Variants in TBC1D2B observed in about 807,000 individuals in gnomAD.
TBC1D2B encodes TBC1 domain family, member 2B.
Under a neutral mutation model 100.8 loss-of-function variants are expected in TBC1D2B, and 64 were observed. The observed-to-expected ratio is 0.64, with a 90% CI of 0.52 to 0.78. The LOEUF is 0.78. Among genes scored for constraint, TBC1D2B ranks in the 30% least tolerant of loss-of-function variants. The pLI, the probability that TBC1D2B is intolerant of heterozygous loss-of-function variation, is 0.00. For missense variants in TBC1D2B, 1,052 were observed against 1,218.4 expected, an observed-to-expected ratio of 0.86 and a Z score of 2.03; for synonymous variants, 480 against 479.7, an observed-to-expected ratio of 1.00 and a Z score of -0.01.
Position 77,998,315 on chromosome 15 carries a change from G to C in TBC1D2B, c.2737C>G (p.Pro913Ala). ...CGTCGGTTCCGGATCTGGCGTAGGG[G>C]GAAAGGGTTCAGGTCCCCAAAGGAG... ...SISFGDLNPF[P>A]LRQIRNRRAY... The change falls in exon 13 of 13, where the codon CCC becomes GCC. Residue 913 changes from proline (P) to alanine (A), a missense_variant. Around this residue, in one of 4 missense-constraint regions of TBC1D2B, gnomAD observed 47 missense variants for 88.3 expected, o/e 0.53. Transcript: ENST00000300584. 1 of 1,600,966 alleles carries C rather than the reference G, an allele frequency of 6.2e-7. No individual in the cohort carries two copies. Among genetic ancestry groups the C allele is most frequent in the East Asian group, 2.3e-5 (1 of 44,192 alleles).
intron 1 of TBC1D2B, among the ~76,000 whole-genome samples, chr15:78,072,985 G>A (rs2073764007): frequency 6.6e-6 from 1 of 152,170 alleles, no homozygotes; most frequent in African/African-American, 2.4e-5. Flanking sequence ...AAAAAGGACA[G>A]ATATTAAATG....
chr15:78,008,598 G>A (rs528527972), intron 10 of TBC1D2B, among the ~76,000 whole-genome samples: 18 of 152,310 alleles, frequency 1.2e-4, no homozygotes, highest in South Asian at 4.1e-4. Flanking sequence ...GCTTCCCCCC[G>A]CCGAAGTCTC....
chr15:78,040,880 A>AAGAAAGAAAGAAAG (rs1275983230), intron 3 of TBC1D2B, among the ~76,000 whole-genome samples: 4 of 147,852 alleles, frequency 2.7e-5, no homozygotes, highest in African/African-American at 7.6e-5. Context: ...GAAAGAAAGA[A>AAGAAAGAAAGAAAG]AGAGAGAGAG....
chr15:78,039,762 A>G (rs950004412), intron 3 of TBC1D2B, among the ~76,000 whole-genome samples: 26 of 148,962 alleles, frequency 1.7e-4, no homozygotes, highest in Admixed American at 9.9e-4. Flanking sequence ...ACACACACAC[A>G]CACACACACA....
chr15:78,002,961 A>C, intron 11 of TBC1D2B: 1 of 185,038 alleles, frequency 5.4e-6, no homozygotes, highest in African/African-American at 2.4e-5. Flanking sequence ...TAGCCCCCCT[A>C]ATCCCCTGCT....
At chr15:78,032,294 C>T (rs538522717) in intron 3 of TBC1D2B, among the ~76,000 whole-genome samples, 1 of 152,050 alleles carries the variant, frequency 6.6e-6, no homozygotes, top group South Asian at 2.1e-4. Context: ...TGATGGTATC[C>T]CTAAAGCCTG....
chr15:78,009,419 A>C (rs1319620613), intron 9 of TBC1D2B, among the ~76,000 whole-genome samples: 3 of 152,154 alleles, frequency 2.0e-5, no homozygotes, highest in Non-Finnish European at 2.9e-5. Flanking sequence ...GCACACCTGT[A>C]GTCCTAGCTA....
intron 3 of TBC1D2B, among the ~76,000 whole-genome samples, chr15:78,040,855 G>GAAGGAAGGAAGA (rs71447186): frequency 1.6e-4 from 12 of 74,740 alleles, no homozygotes; most frequent in East Asian, 8.0e-4. Flanking sequence ...AGAAAGAAAG[G>GAAGGAAGGAAGA]AAGAAAGAAA....
chr15:78,031,355 A>T (rs1228972114), intron 3 of TBC1D2B, among the ~76,000 whole-genome samples: 1 of 152,076 alleles, frequency 6.6e-6, no homozygotes, highest in Non-Finnish European at 1.5e-5. Context: ...GGAGTTTAAG[A>T]CCAGCCTGGC....
At chr15:78,024,664 CA>C in intron 5 of TBC1D2B, 125 bp from the exon 6 acceptor site, 1 of 856,016 alleles carries the variant, frequency 1.2e-6, no homozygotes, top group Non-Finnish European at 1.7e-6. Flanking sequence ...TTACTGGAAA[CA>C]TTTTAATACT....
intron 9 of TBC1D2B, among the ~76,000 whole-genome samples, chr15:78,009,426 G>C (rs2072160013): frequency 6.6e-6 from 1 of 152,046 alleles, no homozygotes; most frequent in Non-Finnish European, 1.5e-5. Flanking sequence ...TGTAGTCCTA[G>C]CTACCCAGTA....
chr15:78,020,366 T>C lies in TBC1D2B; in HGVS notation c.1471-2409A>G, dbSNP rs369309913. Among the ~76,000 whole-genome samples the C allele has an allele frequency of 1.1e-4, 17 of 152,298 alleles. No homozygotes were observed. The East Asian group carries it at 2.1e-3, about 19-fold the overall frequency. On this transcript the variant is annotated intron_variant, in intron 6 of 12. Coordinates refer to ENST00000300584, the MANE Select transcript of TBC1D2B (RefSeq NM_144572.2). ...GCCATGTATGTCTTTAACTTAAAAC[T>C]TGTGTTACAGTCTAAGTAAGTCCTG... is the stretch of plus-strand genomic sequence containing the variant.
chr15:78,040,942 A>C (rs1248174524), intron 3 of TBC1D2B, among the ~76,000 whole-genome samples: 1 of 145,810 alleles, frequency 6.9e-6, no homozygotes, highest in African/African-American at 2.5e-5. Flanking sequence ...GAAGGAAGAG[A>C]TCAATCTGGG....
intron 7 of TBC1D2B, 116 bp downstream of exon 7, chr15:78,017,731 A>T: frequency 1.7e-6 from 1 of 599,482 alleles, no homozygotes; most frequent in Non-Finnish European, 2.9e-6. Context: ...TTTTGTTATC[A>T]GTAACCACAT....
At chr15:78,015,386 A>G (rs925178866) in intron 8 of TBC1D2B, among the ~76,000 whole-genome samples, 5 of 152,344 alleles carry the variant, frequency 3.3e-5, no homozygotes, top group African/African-American at 1.2e-4. Flanking sequence ...TAAATTTTCC[A>G]TAAGAAAAAG....
At position 78,024,147 on chromosome 15, in the gene TBC1D2B, C is replaced by T. The variant is rs376189152; in HGVS notation, c.1470+9G>A. 1.6e-5 allele frequency: 25 copies of T among 1,603,292 alleles called. No individual in the cohort carries two copies. The highest frequency in any genetic ancestry group is 1.7e-5 in the Admixed American group (1 of 59,632). On this transcript the variant is annotated intron_variant, in intron 6 of 12. Coordinates refer to ENST00000300584, the MANE Select transcript of TBC1D2B (RefSeq NM_144572.2). ...ATGCCAATCACCAGAGCCCCTGCCC[C>T]ACTCTTACTTTCAGCCTGTCCAGTT...
chr15:78,033,075 T>C (rs901463130), intron 3 of TBC1D2B, among the ~76,000 whole-genome samples: 4 of 152,194 alleles, frequency 2.6e-5, no homozygotes, highest in African/African-American at 9.7e-5. Flanking sequence ...AATTGCCTAA[T>C]ACAAATAATA....
At chr15:78,028,256 C>T (rs1232672394) in intron 4 of TBC1D2B, among the ~76,000 whole-genome samples, 3 of 152,270 alleles carry the variant, frequency 2.0e-5, no homozygotes, top group South Asian at 4.1e-4. Context: ...GGACAAATCA[C>T]CTGAGGTCAA....
intron 12 of TBC1D2B, among the ~76,000 whole-genome samples, chr15:78,000,481 G>T (rs926886287): frequency 6.6e-6 from 1 of 152,236 alleles, no homozygotes; most frequent in East Asian, 1.9e-4. Context: ...CAGGCTCACC[G>T]CAGGACTCAG....
Sources: gnomAD v4.1 joint callset for allele counts (sites outside exome capture counted in the v4.1 genomes callset) on GRCh38, gnomAD v4.1.1 for gene constraint, gnomAD v4.1.1 regional missense constraint, MANE v1.5 for transcripts, NCBI Gene and HGNC (gene_info 2026-07-23, HGNC 2026-07-21) for gene names.